Variants in AGBL4 observed in about 807,000 individuals in gnomAD.
AGBL4 encodes the protein AGBL carboxypeptidase 4, also known as cytosolic carboxypeptidase 6.
AGBL4 carries 58 observed loss-of-function variants against 66.4 expected under a neutral mutation model. The observed-to-expected ratio is 0.87, with a 90% CI of 0.71 to 1.09. The LOEUF (loss-of-function observed/expected upper bound fraction) is 1.09, where lower values mean the gene tolerates loss of function less well. AGBL4 is among the 50% of genes least tolerant of loss of function. The probability of loss-of-function intolerance (pLI) is 0.00; values close to 1 mark genes in which losing one functional copy is unlikely to be tolerated. For synonymous variants in AGBL4, 234 were observed against 222.9 expected, an observed-to-expected ratio of 1.05 and a Z score of -0.44; for missense variants, 579 against 631.0, an observed-to-expected ratio of 0.92 and a Z score of 0.88.
chr1:49,689,198 A>G (rs894636268), intron 3 of AGBL4, among the ~76,000 whole-genome samples: 1 of 152,108 alleles, frequency 6.6e-6, no homozygotes, highest in Non-Finnish European at 1.5e-5. Context: ...GTAGTTTCAT[A>G]GTTTGAGGTC....
At chr1:49,030,989 G>T (rs922449246) in intron 5 of AGBL4, among the ~76,000 whole-genome samples, 1 of 146,922 alleles carries the variant, frequency 6.8e-6, no homozygotes, top group Admixed American at 7.0e-5. Context: ...CAAAGTTTCA[G>T]TTAGATAGCA....
At chr1:49,798,396 T>C (rs1052297244) in intron 2 of AGBL4, among the ~76,000 whole-genome samples, 3 of 152,206 alleles carry the variant, frequency 2.0e-5, no homozygotes, top group Non-Finnish European at 4.4e-5. Flanking sequence ...CATAGTAATA[T>C]ACAATTATTA....
chr1:49,061,147 T>C (rs978158981), intron 4 of AGBL4, among the ~76,000 whole-genome samples: 1 of 152,106 alleles, frequency 6.6e-6, no homozygotes, highest in African/African-American at 2.4e-5. Flanking sequence ...GAAAGTACAA[T>C]CACAGTCTGA....
intron 5 of AGBL4, among the ~76,000 whole-genome samples, chr1:49,039,392 C>T (rs1664927106): frequency 6.6e-6 from 1 of 152,026 alleles, no homozygotes; most frequent in Admixed American, 6.6e-5. Flanking sequence ...ATGTAGCACT[C>T]TGGTGAAAGA....
intron 3 of AGBL4, among the ~76,000 whole-genome samples, chr1:49,413,829 T>C (rs549440329): frequency 6.6e-6 from 1 of 152,130 alleles, no homozygotes; most frequent in Non-Finnish European, 1.5e-5. Context: ...TTACTTCAAG[T>C]CTTGGCTCTT....
intron 3 of AGBL4, among the ~76,000 whole-genome samples, chr1:49,383,223 A>G (rs957388658): frequency 6.6e-6 from 1 of 152,198 alleles, no homozygotes; most frequent in African/African-American, 2.4e-5. Flanking sequence ...AGTGACCTAC[A>G]GATTTATCTA....
At chr1:48,596,363 C>G (rs1263795273) in intron 9 of AGBL4, among the ~76,000 whole-genome samples, 1 of 152,126 alleles carries the variant, frequency 6.6e-6, no homozygotes, top group Non-Finnish European at 1.5e-5. Flanking sequence ...ACACATTCCT[C>G]CTTCAGATTT....
intron 3 of AGBL4, among the ~76,000 whole-genome samples, chr1:49,318,674 TGTAAGTATCTAG>T (rs942092084): frequency 1.3e-5 from 2 of 151,906 alleles, no homozygotes; most frequent in Admixed American, 6.6e-5. Context: ...GGTAAAATAG[TGTAAGTATCTAG>T]GTAAGAGCTA....
chr1:49,921,401 A>G (rs970817753), intron 1 of AGBL4, among the ~76,000 whole-genome samples: 1 of 152,216 alleles, frequency 6.6e-6, no homozygotes, highest in Non-Finnish European at 1.5e-5. Context: ...TTTAAATTTT[A>G]ACCATCAATG....
chr1:49,503,934 C>G (rs917730425), intron 3 of AGBL4, among the ~76,000 whole-genome samples: 1 of 152,068 alleles, frequency 6.6e-6, no homozygotes, highest in African/African-American at 2.4e-5. Flanking sequence ...GTTGGAAAGG[C>G]ATGATTGTGT....
At chr1:48,747,706 TG>T (rs1374125104) in intron 6 of AGBL4, among the ~76,000 whole-genome samples, 1 of 152,214 alleles carries the variant, frequency 6.6e-6, no homozygotes, top group Admixed American at 6.5e-5. Context: ...AAGTGTTTGC[TG>T]GGGCAACAAA....
At chr1:49,702,251 G>A (rs1309191499) in intron 2 of AGBL4, among the ~76,000 whole-genome samples, 2 of 152,116 alleles carry the variant, frequency 1.3e-5, no homozygotes. Flanking sequence ...CCAGCACTTT[G>A]GGAGGCCAAG....
chr1:50,003,067 C>T (rs4420126), intron 1 of AGBL4, among the ~76,000 whole-genome samples: 91,781 of 151,962 alleles, frequency 0.6, 28,379 homozygotes, highest in Non-Finnish European at 0.67. Flanking sequence ...ATTCACCCAC[C>T]CCATATTAAC....
At chr1:49,586,956 C>T (rs1644660080) in intron 3 of AGBL4, among the ~76,000 whole-genome samples, 2 of 152,256 alleles carry the variant, frequency 1.3e-5, no homozygotes, top group South Asian at 4.1e-4. Flanking sequence ...TCCCATTCTT[C>T]ATTGGTTTGT....
At chr1:48,886,797 C>T (rs993320895) in intron 5 of AGBL4, among the ~76,000 whole-genome samples, 5 of 152,084 alleles carry the variant, frequency 3.3e-5, no homozygotes, top group Admixed American at 6.6e-5. Flanking sequence ...GTGATCCGCC[C>T]GCCTCGGCCT....
intron 3 of AGBL4, among the ~76,000 whole-genome samples, chr1:49,576,485 T>A (rs1405541970): frequency 6.6e-6 from 1 of 152,174 alleles, no homozygotes; most frequent in African/African-American, 2.4e-5. Context: ...ACATAACTAC[T>A]CTCTTTGTGA....
At chr1:49,963,899 T>A (rs1397248216) in intron 1 of AGBL4, among the ~76,000 whole-genome samples, 2 of 151,612 alleles carry the variant, frequency 1.3e-5, no homozygotes, top group Non-Finnish European at 2.9e-5. Flanking sequence ...AAAAATGCAA[T>A]GGAATAATAA....
At chr1:49,497,152 G>A (rs1647670707) in intron 3 of AGBL4, among the ~76,000 whole-genome samples, 1 of 151,922 alleles carries the variant, frequency 6.6e-6, no homozygotes, top group African/African-American at 2.4e-5. Context: ...TTATATGCCT[G>A]TTGGCCATTT....
At chr1:50,017,651 A>G (rs1251497327) in intron 1 of AGBL4, 1 of 152,216 alleles carries the variant, frequency 6.6e-6, no homozygotes, top group Non-Finnish European at 1.5e-5. Flanking sequence ...CAAGTACCGC[A>G]TGTTCTCACT....
Sources: gnomAD v4.1 joint callset for allele counts (sites outside exome capture counted in the v4.1 genomes callset) on GRCh38, gnomAD v4.1.1 for gene constraint, MANE v1.5 for transcripts, NCBI Gene and HGNC (gene_info 2026-07-23, HGNC 2026-07-21) for gene names.